The following FKBP4 variants were observed in gnomAD, a reference collection of about 807,000 sequenced individuals.
The protein encoded by FKBP4 is FKBP prolyl isomerase 4.
FKBP4 carries 28 observed loss-of-function variants against 54.1 expected under a neutral mutation model. That is an observed-to-expected ratio of 0.52 (90% CI 0.38 to 0.71). FKBP4 has a LOEUF of 0.71. Ranked by LOEUF, FKBP4 falls within the 30% of genes least tolerant of loss-of-function variation. FKBP4 has a pLI of 0.00. For missense variants in FKBP4, 493 were observed against 574.4 expected (o/e 0.86, Z 1.45); for synonymous variants, 223 against 216.1 (o/e 1.03, Z -0.28).
intron 5 of FKBP4, 78 bp from the exon 6 acceptor site, chr12:2,799,772 A>G: frequency 7.9e-7 from 1 of 1,268,340 alleles, no homozygotes; most frequent in Non-Finnish European, 1.1e-6. Flanking sequence ...ACTTTCCAGG[A>G]AATGGACAGG....
At chr12:2,799,727 A>G in intron 5 of FKBP4, 123 bp from the exon 6 acceptor site, 4 of 824,996 alleles carry the variant, frequency 4.8e-6, no homozygotes, top group Non-Finnish European at 8.0e-6. Flanking sequence ...AAGATTTGCC[A>G]AACATTTGAA....
In FKBP4 at chr12:2,804,250, A is replaced by C. The variant is rs2097906398; in HGVS notation, c.*992A>C. ...TCTTCCCTGACACTTAGGAAGACGA[A>C]AGTATAAAGATCTAGAAGACTGGGA... On this transcript the variant is annotated 3_prime_UTR_variant, in exon 10 of 10. Transcript: ENST00000001008. The C allele has an allele frequency of 6.6e-6, 1 of 152,238 alleles. No homozygotes were observed. Among genetic ancestry groups the C allele is most frequent in the East Asian group, 1.9e-4 (1 of 5,200 alleles). 9.4% of individuals were successfully genotyped at this position (152,238 alleles called of 1,614,324 possible). A position where few individuals can be genotyped will look rare whatever the true frequency, so the allele number is the denominator to read the frequency against.
Position 2,797,375 on chromosome 12 carries a change from G to C in FKBP4, c.250+93G>C, listed in dbSNP as rs536530476. 2.7e-6 allele frequency: 4 copies of C among 1,455,104 alleles called. No individual in the cohort carries two copies. The East Asian group carries it at 9.1e-5, about 33-fold the overall frequency. The allele number at this position is 1,455,104 out of a possible 1,614,324, so 90.1% of individuals were successfully genotyped here. On this transcript the variant is annotated intron_variant, in intron 2 of 9. Transcript: ENST00000001008. ...TTTTCTCAGGACCAAGCTCAGGGAGGAATGGTTTATCACAGTCTGTTAACT... is the reference window on the plus strand; with the variant it reads ...TTTTCTCAGGACCAAGCTCAGGGAGCAATGGTTTATCACAGTCTGTTAACT...
chr12:2,795,986 G>A lies in FKBP4; in HGVS notation c.105+742G>A, dbSNP rs2097901605. 1 of 1,088,146 alleles carries A rather than the reference G, an allele frequency of 9.2e-7. No individual in the cohort carries two copies. Among genetic ancestry groups the A allele is most frequent in the Non-Finnish European group, 1.1e-6 (1 of 888,110 alleles). The allele number at this position is 1,088,146 out of a possible 1,614,324, so 67.4% of individuals were successfully genotyped here. On this transcript the variant is annotated intron_variant, in intron 1 of 9. Coordinates refer to ENST00000001008, the MANE Select transcript of FKBP4 (RefSeq NM_002014.4). The surrounding 1 kb of genome is among the most constrained non-coding windows in gnomAD (Gnocchi z 4.3). ...CTGCGGGGTGTGGGGCGGGGAGGAG[G>A]CGCTCTGCTGTGGAGCCTGCCGCCG...
rs1042536 is a variant in FKBP4 at position 2,803,869 on chromosome 12, C to T, written c.*611C>T. On this transcript the variant is annotated 3_prime_UTR_variant, in exon 10 of 10. Coordinates refer to ENST00000001008, the MANE Select transcript of FKBP4 (RefSeq NM_002014.4). ...TTGTGTCCCAAAATCCCCTCAGCCT[C>T]TTCTCTGCACGTTGCTGAAGGTCCA... The T allele has an allele frequency of 6.5e-6, 1 of 153,356 alleles. No individual in the cohort carries two copies. Among genetic ancestry groups the T allele is most frequent in the African/African-American group, 2.4e-5 (1 of 41,464 alleles). The allele number at this position is 153,356 out of a possible 1,614,324, so 9.5% of individuals were successfully genotyped here.
At chr12:2,801,672 T>A in intron 9 of FKBP4, 1 of 496,962 alleles carries the variant, frequency 2.0e-6, no homozygotes, top group Non-Finnish European at 3.9e-6. Flanking sequence ...GAGGATCACT[T>A]GAACCCAGTA....
In FKBP4 at chr12:2,800,392, G is replaced by A. The variant is rs762218575; in HGVS notation, c.847G>A (p.Glu283Lys). The part of the protein sequence containing the change: ...VKERGTVYFK[E>K]GKYKQALLQY... ...TGCCTGAGCCTCTCTCCCATTCCAGGAAGGTAAATACAAGCAAGCTTTACT... is the reference window on the plus strand; with the variant it reads ...TGCCTGAGCCTCTCTCCCATTCCAGAAAGGTAAATACAAGCAAGCTTTACT... The change falls in exon 8 of 10, where the codon GAA becomes AAA. Residue 283 changes from glutamate to lysine, a missense_variant and splice_region_variant. Transcript: ENST00000001008. 8 of 1,608,032 alleles carry A rather than the reference G, an allele frequency of 5.0e-6. No homozygotes were observed. Among genetic ancestry groups the A allele is most frequent in the Non-Finnish European group, 5.9e-6 (7 of 1,176,746 alleles).
rs1318737535 is a variant in FKBP4 at position 2,803,235 on chromosome 12, T to C, written c.1357T>C (p.Ser453Pro). 1.3e-6 allele frequency: 2 copies of C among 1,593,864 alleles called. No individual in the cohort carries two copies. Among genetic ancestry groups the C allele is most frequent in the African/African-American group, 2.7e-5 (2 of 74,418 alleles). ...GAAGAGCAACACGGCAGGGAGCCAG[T>C]CTCAGGTGGAGACAGAAGCATAGCC... ...EQKSNTAGSQ[S>P]QVETEA Residue 453 changes from serine to proline, a missense_variant, in exon 10 of 10, where the codon TCT (serine) becomes CCT (proline). Coordinates refer to ENST00000001008, the MANE Select transcript of FKBP4 (RefSeq NM_002014.4).
chr12:2,799,325 T>C, intron 5 of FKBP4, 81 bp downstream of exon 5: 1 of 1,405,896 alleles, frequency 7.1e-7, no homozygotes, highest in Non-Finnish European at 9.4e-7. Flanking sequence ...AACCAGCTGT[T>C]TGTATCCTTT....
rs368886036 is a variant in FKBP4, at chr12:2,800,373, A to T, written c.847-19A>T. The stretch of plus-strand genomic sequence containing the variant: ...CCACTGAAACTGTGCCAGGTGCCTG[A>T]GCCTCTCTCCCATTCCAGGAAGGTA... On this transcript the variant is annotated intron_variant, in intron 7 of 9. Coordinates refer to ENST00000001008, the MANE Select transcript of FKBP4 (RefSeq NM_002014.4). 1 of 1,597,936 alleles carries T rather than the reference A, an allele frequency of 6.3e-7. No individual in the cohort carries two copies. The highest frequency in any genetic ancestry group is 2.2e-5 in the East Asian group (1 of 44,842).
At position 2,797,730 on chromosome 12, in the gene FKBP4, G is replaced by A; in HGVS notation, c.252G>A (p.Gly84=). ...TCCTGTTTGCTTCTGTACCTGCAGG[G>A]GAGGTCATCAAGGCTTGGGACATTG... ...KDKFSFDLGK[G]EVIKAWDIAI... is the part of the protein sequence containing the mutation. The change falls in exon 3 of 10, where the codon GGG becomes GGA. Residue 84 remains glycine (G), a splice_region_variant and synonymous_variant. Transcript: ENST00000001008. The A allele has an allele frequency of 6.2e-7, 1 of 1,611,912 alleles. No homozygotes were observed. Among genetic ancestry groups the A allele is most frequent in the Non-Finnish European group, 8.5e-7 (1 of 1,178,510 alleles).
At chr12:2,800,275 A>G in intron 7 of FKBP4, 117 bp from the exon 8 acceptor site, 1 of 1,381,582 alleles carries the variant, frequency 7.2e-7, no homozygotes, top group Non-Finnish European at 1.0e-6. Flanking sequence ...TGGCCTTGCC[A>G]GTGGGAAGGG....
chr12:2,800,618 C>CA (rs751615524), intron 8 of FKBP4, 41 bp downstream of exon 8: 1 of 1,541,882 alleles, frequency 6.5e-7, no homozygotes, highest in Admixed American at 2.0e-5. Context: ...CATTCACAGG[C>CA]AGAGTTGGGT....
At chr12:2,796,195 G>C (rs980155324) in intron 1 of FKBP4, 3 of 1,286,452 alleles carry the variant, frequency 2.3e-6, no homozygotes, top group Non-Finnish European at 3.0e-6. Context: ...CCACCGCTGA[G>C]CTCCGCGTGT....
chr12:2,797,172 C>T lies in FKBP4; in HGVS notation c.140C>T (p.Pro47Leu). Residue 47 changes from proline to leucine, a missense_variant, in exon 2 of 10, where the codon CCC (proline) becomes CTC (leucine). Pro to Leu is a moderately conservative substitution (Grantham distance 98). Transcript: ENST00000001008. Reference sequence around the variant, plus strand: ...AGAGAGGGCACAGGTACAGAGATGCCCATGATTGGGGACCGAGTCTTTGTC... The same window carrying T: ...AGAGAGGGCACAGGTACAGAGATGCTCATGATTGGGGACCGAGTCTTTGTC... ...IKREGTGTEM[P>L]MIGDRVFVHY... 6.2e-7 allele frequency: 1 copy of T among 1,613,284 alleles called. No individual in the cohort carries two copies. The highest frequency in any genetic ancestry group is 8.5e-7 in the Non-Finnish European group (1 of 1,179,844).
At position 2,805,422 on chromosome 12, in the gene FKBP4, A is replaced by C. The variant is rs1162046033; in HGVS notation, c.*2164A>C. The C allele has an allele frequency of 3.9e-6, 1 of 257,984 alleles. No homozygotes were observed. Among genetic ancestry groups the C allele is most frequent in the Non-Finnish European group, 7.7e-6 (1 of 130,024 alleles). The allele number at this position is 257,984 out of a possible 1,614,324, so 16.0% of individuals were successfully genotyped here. On this transcript the variant is annotated 3_prime_UTR_variant, in exon 10 of 10. Coordinates refer to ENST00000001008, the MANE Select transcript of FKBP4 (RefSeq NM_002014.4). The stretch of plus-strand genomic sequence containing the variant: ...CTGTCTAGTGAGGATGTTTTGTTAA[A>C]ATGCCTACAAGTCTTTCAGCCTAAA...
Position 2,798,880 on chromosome 12 carries a change from G to A in FKBP4, c.514+54G>A, listed in dbSNP as rs2097903299. 5 of 1,590,322 alleles carry A rather than the reference G, an allele frequency of 3.1e-6. No homozygotes were observed. The highest frequency in any genetic ancestry group is 4.3e-6 in the Non-Finnish European group (5 of 1,159,614). On this transcript the variant is annotated intron_variant, in intron 4 of 9. Transcript: ENST00000001008. The surrounding 1 kb of genome is among the most constrained non-coding windows in gnomAD (Gnocchi z 4.3). ...TCTCATTCTGATATTTAGGCCTTGTGTGGCTTTGGGCAAGACACTTCCGTT... is the reference window on the plus strand; with the variant it reads ...TCTCATTCTGATATTTAGGCCTTGTATGGCTTTGGGCAAGACACTTCCGTT...
At position 2,805,225 on chromosome 12, in the gene FKBP4, G is replaced by C. The variant is rs999045550; in HGVS notation, c.*1967G>C. 3 of 455,512 alleles carry C rather than the reference G, an allele frequency of 6.6e-6. No homozygotes were observed. Among genetic ancestry groups the C allele is most frequent in the South Asian group, 3.1e-5 (2 of 64,404 alleles). 28.2% of individuals were successfully genotyped at this position (455,512 alleles called of 1,614,324 possible). On this transcript the variant is annotated 3_prime_UTR_variant, in exon 10 of 10. Coordinates refer to ENST00000001008, the MANE Select transcript of FKBP4 (RefSeq NM_002014.4). ...AAGGTGAGGTCTCTGAACTAATCCA[G>C]ACTCTCCCATGAGGTTCCTTTGGCA...
chr12:2,797,111 TACTC>T, intron 1 of FKBP4, 23 bp from the exon 2 acceptor site: 1 of 1,611,544 alleles, frequency 6.2e-7, no homozygotes, highest in Non-Finnish European at 8.5e-7. Flanking sequence ...AACCCTGGGG[TACTC>T]ACTTTCTCCC....
Sources: allele counts gnomAD v4.1 joint callset, GRCh38; gene constraint gnomAD v4.1.1; non-coding constraint Gnocchi (gnomAD v3.1); transcripts MANE v1.5; gene names NCBI Gene and HGNC (gene_info 2026-07-23, HGNC 2026-07-21).